The following OR2C1 variants were observed in gnomAD, a reference collection of about 807,000 sequenced individuals.
OR2C1 encodes olfactory receptor 2C1.
For synonymous variants in OR2C1, 209 were observed against 167.3 expected, an observed-to-expected ratio of 1.25 and a Z score of -1.92; for missense variants, 468 against 388.3, an observed-to-expected ratio of 1.21 and a Z score of -1.73.
the OR2C1 span, among the ~76,000 whole-genome samples, chr16:3,329,223 A>G: frequency 2.7e-5 from 3 of 111,670 alleles, no homozygotes; most frequent in African/African-American, 7.4e-5. Flanking sequence ...CAGCTTAGCT[A>G]TGGAGCGGGA....
chr16:3,333,991 G>T, the OR2C1 span, among the ~76,000 whole-genome samples: 1 of 151,804 alleles, frequency 6.6e-6, no homozygotes, highest in Non-Finnish European at 1.5e-5. Flanking sequence ...GGGTGGTGGG[G>T]GGACAGGGTC....
chr16:3,357,987 A>G (rs1441840949), downstream of OR2C1, among the ~76,000 whole-genome samples: 1 of 152,082 alleles, frequency 6.6e-6, no homozygotes, highest in Non-Finnish European at 1.5e-5. Flanking sequence ...CTCAATAATA[A>G]TAATAATAAC....
chr16:3,344,993 G>C, the OR2C1 span, among the ~76,000 whole-genome samples: 1 of 151,892 alleles, frequency 6.6e-6, no homozygotes, highest in African/African-American at 2.4e-5. Context: ...GCTCATTACA[G>C]CATTGTTGTC....
chr16:3,330,058 A>G, the OR2C1 span, among the ~76,000 whole-genome samples: 1 of 151,212 alleles, frequency 6.6e-6, no homozygotes, highest in Admixed American at 6.6e-5. Flanking sequence ...TGGCCTTAAA[A>G]TTTAACAACA....
At position 3,356,032 on chromosome 16, in the gene OR2C1, T is replaced by A. The variant is rs899908434; in HGVS notation, c.92T>A (p.Ile31Asn). The change falls in exon 1 of 1, where the codon ATC becomes AAC. Residue 31 changes from isoleucine to asparagine, a missense_variant. Physicochemically the swap from Ile to Asn is moderately radical, Grantham distance 149. Transcript: ENST00000304936. ...PQLEMIFFIA[I>N]LFSYLLTLLG... Reference sequence around the variant, plus strand: ...CTGGAGATGATCTTTTTTATAGCCATCCTCTTCTCCTATTTGCTGACCCTA... The same window carrying A: ...CTGGAGATGATCTTTTTTATAGCCAACCTCTTCTCCTATTTGCTGACCCTA... The A allele has an allele frequency of 6.2e-7, 1 of 1,613,916 alleles. No homozygotes were observed. Among genetic ancestry groups the A allele is most frequent in the Non-Finnish European group, 8.5e-7 (1 of 1,179,934 alleles).
chr16:3,350,536 C>T, the OR2C1 span, among the ~76,000 whole-genome samples: 2 of 151,398 alleles, frequency 1.3e-5, no homozygotes, highest in African/African-American at 2.4e-5. Context: ...CTCAGCCTCC[C>T]GAGTAGCTGG....
the OR2C1 span, among the ~76,000 whole-genome samples, chr16:3,349,791 A>G: frequency 2.0e-5 from 3 of 151,846 alleles, no homozygotes; most frequent in African/African-American, 7.2e-5. Context: ...AATCCCAGCT[A>G]CTAGGGAGGC....
the OR2C1 span, among the ~76,000 whole-genome samples, chr16:3,328,138 T>G: frequency 6.6e-6 from 1 of 152,196 alleles, no homozygotes; most frequent in Non-Finnish European, 1.5e-5. Context: ...TTTTCTAAAG[T>G]AGTTACTCTA....
At chr16:3,342,984 T>C in the OR2C1 span, among the ~76,000 whole-genome samples, 81,213 of 152,058 alleles carry the variant, frequency 0.53, 22,240 homozygotes, top group East Asian at 0.75. Context: ...GAAGGTTACA[T>C]ACTGTGCAGC....
chr16:3,345,861 T>TCC, the OR2C1 span, among the ~76,000 whole-genome samples: 2 of 113,360 alleles, frequency 1.8e-5, no homozygotes, highest in South Asian at 3.5e-4. Context: ...CCTCCCTCCC[T>TCC]CTCTCTTTCG....
At chr16:3,353,168 A>G (rs2030600900), upstream of OR2C1, among the ~76,000 whole-genome samples, 1 of 150,118 alleles carries the variant, frequency 6.7e-6, no homozygotes. Context: ...TTAGTAACTC[A>G]GTTCCTCAGC....
the OR2C1 span, among the ~76,000 whole-genome samples, chr16:3,341,276 T>C: frequency 4.6e-5 from 7 of 152,156 alleles, no homozygotes; most frequent in African/African-American, 1.7e-4. Flanking sequence ...GAAACACAAC[T>C]AATTTTTCTA....
At chr16:3,327,300 C>G in the OR2C1 span, among the ~76,000 whole-genome samples, 1 of 151,972 alleles carries the variant, frequency 6.6e-6, no homozygotes, top group Non-Finnish European at 1.5e-5. Context: ...AAGTAAATCT[C>G]AGACATTCTA....
the OR2C1 span, among the ~76,000 whole-genome samples, chr16:3,345,364 TA>T: frequency 6.6e-6 from 1 of 151,926 alleles, no homozygotes; most frequent in African/African-American, 2.4e-5. Flanking sequence ...CGGGCACCTG[TA>T]GTCCCAGCTA....
chr16:3,323,189 G>A, the OR2C1 span: 1 of 688,006 alleles, frequency 1.5e-6, no homozygotes, highest in Non-Finnish European at 2.6e-6. Context: ...CCTGGGTCTA[G>A]TTCAGCTGGC....
At chr16:3,326,911 A>G in the OR2C1 span, among the ~76,000 whole-genome samples, 2 of 152,234 alleles carry the variant, frequency 1.3e-5, no homozygotes, top group Non-Finnish European at 2.9e-5. Flanking sequence ...ATTGAGCTGT[A>G]GGATCAAGCA....
In OR2C1 at chr16:3,356,291, G is replaced by A. The variant is rs369015937; in HGVS notation, c.351G>A (p.Val117=). ...CCACCGAGTGCATCCTGCTGGTGGT[G>A]ATGGCATTTGACCGCTACGTGGCAG... is the stretch of plus-strand genomic sequence containing the variant. ...LGATECILLV[V]MAFDRYVAVC... Residue 117 remains valine (V), a synonymous_variant, in exon 1 of 1, where the codon GTG becomes GTA. Transcript: ENST00000304936. The A allele has an allele frequency of 1.0e-4, 162 of 1,613,654 alleles. No individual in the cohort carries two copies. Among genetic ancestry groups the A allele is most frequent in the Non-Finnish European group, 1.2e-4 (144 of 1,180,024 alleles).
chr16:3,340,831 G>C, the OR2C1 span, among the ~76,000 whole-genome samples: 1 of 151,818 alleles, frequency 6.6e-6, no homozygotes, highest in Non-Finnish European at 1.5e-5. Flanking sequence ...TCTTATGTCA[G>C]TACTTCACAA....
At chr16:3,346,164 T>G in the OR2C1 span, among the ~76,000 whole-genome samples, 4 of 151,942 alleles carry the variant, frequency 2.6e-5, no homozygotes, top group Non-Finnish European at 5.9e-5. Context: ...TACCATCACT[T>G]GATATATTAT....
Sources: gnomAD v4.1 joint callset for allele counts (sites outside exome capture counted in the v4.1 genomes callset) on GRCh38, gnomAD v4.1.1 for gene constraint, MANE v1.5 for transcripts, NCBI Gene and HGNC (gene_info 2026-07-23, HGNC 2026-07-21) for gene names.